TTC39A: variants seen among roughly 807,000 people sequenced by gnomAD.
TTC39A encodes the protein tetratricopeptide repeat domain 39A.
Under a neutral mutation model 82.3 loss-of-function variants are expected in TTC39A, and 46 were observed. The ratio of observed to expected loss-of-function variants is 0.56; its 90% CI spans 0.44 to 0.71. The LOEUF (loss-of-function observed/expected upper bound fraction) is 0.71, where lower values mean the gene tolerates loss of function less well. Among genes scored for constraint, TTC39A ranks in the 30% least tolerant of loss-of-function variants. The pLI is 0.00. For missense variants in TTC39A, 543 were observed against 712.9 expected, an observed-to-expected ratio of 0.76 and a Z score of 2.71; for synonymous variants, 254 against 275.2, an observed-to-expected ratio of 0.92 and a Z score of 0.76.
In TTC39A at chr1:51,321,989, T is replaced by G; in HGVS notation, c.42-164A>C. On this transcript the variant is annotated intron_variant, in intron 1 of 17. Transcript: ENST00000680483. This position sits in a 1 kb window ranked among gnomAD's most constrained non-coding sequence, Gnocchi z 4.6. ...CTCTGTACTGGGACGCAGGGACAAT[T>G]TGGACCCACCTCTTGGTGTTCCCAA... 1 of 1,384,118 alleles carries G rather than the reference T, an allele frequency of 7.2e-7. No homozygotes were observed. The highest frequency in any genetic ancestry group is 9.9e-7 in the Non-Finnish European group (1 of 1,013,316). 85.7% of individuals were successfully genotyped at this position (1,384,118 alleles called of 1,614,324 possible). A position where few individuals can be genotyped will look rare whatever the true frequency, so the allele number is the denominator to read the frequency against.
At chr1:51,330,573 A>ACGCGGCGGCCGGGGAGGGG (rs1305973950), upstream of TTC39A, 54 of 980,684 alleles carry the variant, frequency 5.5e-5, no homozygotes, top group Middle Eastern at 2.1e-3. This position sits in a 1 kb window ranked among gnomAD's most constrained non-coding sequence, Gnocchi z 4.5. Context: ...GCGGTCGCGG[A>ACGCGGCGGCCGGGGAGGGG]CGCGGCGGCC....
At chr1:51,320,584 T>G (rs1291202432) in intron 2 of TTC39A, among the ~76,000 whole-genome samples, 1 of 151,828 alleles carries the variant, frequency 6.6e-6, no homozygotes, top group East Asian at 1.9e-4. Flanking sequence ...ATACTATAGC[T>G]GAGACTATAG....
chr1:51,305,632 T>G, intron 7 of TTC39A: 1 of 358,096 alleles, frequency 2.8e-6, no homozygotes, highest in Non-Finnish European at 5.2e-6. Flanking sequence ...TCCCTGACAC[T>G]GGTAAATGTT....
Position 51,312,191 on chromosome 1 carries a change from G to C in TTC39A, c.283C>G (p.Arg95Gly), listed in dbSNP as rs750131785. 1 of 1,605,786 alleles carries C rather than the reference G, an allele frequency of 6.2e-7. No homozygotes were observed. Among genetic ancestry groups the C allele is most frequent in the Non-Finnish European group, 8.5e-7 (1 of 1,176,258 alleles). Residue 95 changes from arginine to glycine, a missense_variant, in exon 4 of 18, where the codon CGG (arginine) becomes GGG (glycine). Arg to Gly is a moderately radical substitution (Grantham distance 125). Transcript: ENST00000680483. Reference protein sequence around the residue: ...KEAQMLCQRHRRKSSVTDSFS... With the variant: ...KEAQMLCQRHGRKSSVTDSFS... ...GAATCTGTTACAGAAGACTTCCTCC[G>C]GTGCCTGAAGAGGAAAAAGAGGGGC... is the stretch of plus-strand genomic sequence containing the variant.
At chr1:51,310,669 C>G (rs72906155) in intron 5 of TTC39A, among the ~76,000 whole-genome samples, 9 of 152,146 alleles carry the variant, frequency 5.9e-5, no homozygotes, top group Non-Finnish European at 2.9e-5. Flanking sequence ...TCATTCCCAC[C>G]GTGTGGTGAG....
intron 1 of TTC39A, chr1:51,343,224 C>T (rs1183408610): frequency 1.1e-5 from 4 of 360,542 alleles, no homozygotes; most frequent in South Asian, 6.0e-5. Flanking sequence ...GTCTCCTTTC[C>T]ATAAGTAGTG....
At chr1:51,334,055 G>A (rs12087521), upstream of TTC39A, among the ~76,000 whole-genome samples, 4,707 of 152,028 alleles carry the variant, frequency 0.031, 251 homozygotes, top group African/African-American at 0.11. Flanking sequence ...AGGTTGCTCC[G>A]AGTATTAAGA....
intron 1 of TTC39A, among the ~76,000 whole-genome samples, chr1:51,322,990 C>G (rs185168936): frequency 2.0e-5 from 3 of 152,208 alleles, no homozygotes; most frequent in African/African-American, 7.2e-5. Context: ...TGTTCTCCCC[C>G]AGTCTTTGCC....
intron 5 of TTC39A, among the ~76,000 whole-genome samples, 158 bp downstream of exon 5, chr1:51,311,096 G>A (rs1645065671): frequency 1.3e-5 from 2 of 152,258 alleles, no homozygotes; most frequent in South Asian, 4.1e-4. Flanking sequence ...AGCCCCGCCA[G>A]GGGCAGGAGT....
upstream of TTC39A, among the ~76,000 whole-genome samples, chr1:51,334,137 T>C (rs866700276): frequency 2.7e-5 from 4 of 150,578 alleles, no homozygotes; most frequent in South Asian, 8.5e-4. Context: ...AGCAGGTGGA[T>C]TGCATGAGCC....
intron 1 of TTC39A, chr1:51,344,927 G>T: frequency 6.6e-7 from 1 of 1,513,960 alleles, no homozygotes; most frequent in South Asian, 1.2e-5. Flanking sequence ...ACGTCGGCTG[G>T]GTCCTCCGGC....
At chr1:51,301,829 C>G in intron 11 of TTC39A, 96 bp from the exon 12 acceptor site, 1 of 1,514,180 alleles carries the variant, frequency 6.6e-7, no homozygotes, top group Non-Finnish European at 8.9e-7. Flanking sequence ...ACCGGGACTC[C>G]TCCAGGGCAT....
chr1:51,306,853 A>ACCC lies in TTC39A; in HGVS notation c.489-780_489-778dup, dbSNP rs3068549. Among the ~76,000 whole-genome samples, 352 of 60,038 alleles carry ACCC rather than the reference A, an allele frequency of 5.9e-3. 2 individuals are homozygous for ACCC. The highest frequency in any genetic ancestry group is 0.012 in the African/African-American group (143 of 11,704). 39.4% of individuals were successfully genotyped at this position (60,038 alleles called of 152,430 possible). Reference sequence around the variant, plus strand: ...ACAGCATTCTCACTTTAAGGGACAGACCCCCCCCCCCCGCCCCCCGATTGA... The same window carrying ACCC: ...ACAGCATTCTCACTTTAAGGGACAGACCCCCCCCCCCCCCCGCCCCCCGATTGA... On this transcript the variant is annotated intron_variant, in intron 6 of 17. Coordinates refer to ENST00000680483, the MANE Select transcript of TTC39A (RefSeq NM_001297663.2).
chr1:51,295,234 C>T (rs1358353561), intron 13 of TTC39A, among the ~76,000 whole-genome samples: 2 of 152,216 alleles, frequency 1.3e-5, no homozygotes, highest in Non-Finnish European at 2.9e-5. Flanking sequence ...GACACCTGCC[C>T]TCCTAGGCTT....
chr1:51,344,850 C>G (rs2148326194), intron 1 of TTC39A: 1 of 1,108,034 alleles, frequency 9.0e-7, no homozygotes, highest in Non-Finnish European at 1.2e-6. Flanking sequence ...TCTCGGGCCT[C>G]CGGCCGACCC....
intron 1 of TTC39A, among the ~76,000 whole-genome samples, chr1:51,341,773 T>C (rs1348132076): frequency 6.6e-6 from 1 of 152,208 alleles, no homozygotes; most frequent in East Asian, 1.9e-4. Context: ...ATGCTTCAAC[T>C]TGCAGGATCT....
chr1:51,287,436 A>G lies in TTC39A; in HGVS notation c.*721T>C, dbSNP rs997814165. ...CCCCCAAATTTCCTGGCTTTGGCAT[A>G]GAAAGGGCTACACAGCTCTTCCATC... On this transcript the variant is annotated 3_prime_UTR_variant, in exon 18 of 18. Coordinates refer to ENST00000680483, the MANE Select transcript of TTC39A (RefSeq NM_001297663.2). 3 of 152,248 alleles carry G rather than the reference A, an allele frequency of 2.0e-5. No homozygotes were observed. The highest frequency in any genetic ancestry group is 7.2e-5 in the African/African-American group (3 of 41,462). The allele number at this position is 152,248 out of a possible 1,614,324, so 9.4% of individuals were successfully genotyped here.
At chr1:51,339,374 G>A (rs1018810941) in intron 1 of TTC39A, among the ~76,000 whole-genome samples, 2 of 152,174 alleles carry the variant, frequency 1.3e-5, no homozygotes, top group South Asian at 2.1e-4. Flanking sequence ...GTAGATTTCC[G>A]CACTGCTGAT....
At chr1:51,304,593 C>A (rs1006532185) in intron 8 of TTC39A, among the ~76,000 whole-genome samples, 1 of 152,232 alleles carries the variant, frequency 6.6e-6, no homozygotes, top group African/African-American at 2.4e-5. Context: ...GGTTGGTACT[C>A]AGGTTCTTGC....
Sources: gnomAD v4.1 joint callset for allele counts (sites outside exome capture counted in the v4.1 genomes callset) on GRCh38, gnomAD v4.1.1 for gene constraint, Gnocchi (gnomAD v3.1) non-coding constraint, MANE v1.5 for transcripts, NCBI Gene and HGNC (gene_info 2026-07-23, HGNC 2026-07-21) for gene names.